Variants in NALF1 observed in about 807,000 individuals in gnomAD.
NALF1 encodes the protein NALCN channel auxiliary factor 1.
A neutral mutation model predicts 48.4 loss-of-function variants in NALF1; 3 were observed. The ratio of observed to expected loss-of-function variants is 0.06; its 90% CI spans 0.03 to 0.16. The LOEUF is 0.16. Among genes scored for constraint, NALF1 ranks in the 10% least tolerant of loss-of-function variants. The pLI is 1.00. For missense variants in NALF1, 526 were observed against 571.5 expected (o/e 0.92, Z 0.81); for synonymous variants, 262 against 245.7 (o/e 1.07, Z -0.62).
At chr13:107,503,981 C>T (rs1010488858) in intron 1 of NALF1, among the ~76,000 whole-genome samples, 3 of 150,884 alleles carry the variant, frequency 2.0e-5, no homozygotes, top group Admixed American at 6.6e-5. Context: ...AGGAAGAGCA[C>T]GGTGGCTCTT....
chr13:107,517,974 C>T (rs184285804), intron 1 of NALF1, among the ~76,000 whole-genome samples: 70 of 152,066 alleles, frequency 4.6e-4, no homozygotes, highest in African/African-American at 1.6e-3. Flanking sequence ...AAAAACTTAA[C>T]GTAAGCTCAA....
chr13:107,376,448 C>G (rs1883341842), intron 1 of NALF1, among the ~76,000 whole-genome samples: 1 of 152,174 alleles, frequency 6.6e-6, no homozygotes, highest in Admixed American at 6.5e-5. Flanking sequence ...CCTGGACTCC[C>G]ACCCTTGGAG....
intron 1 of NALF1, among the ~76,000 whole-genome samples, chr13:107,416,727 G>T (rs374140437): frequency 2.0e-5 from 3 of 152,138 alleles, no homozygotes; most frequent in Non-Finnish European, 2.9e-5. Flanking sequence ...TTCTGAGGGG[G>T]TCTATCCCCA....
At chr13:107,235,620 G>A (rs1221626545) in intron 1 of NALF1, among the ~76,000 whole-genome samples, 3 of 152,162 alleles carry the variant, frequency 2.0e-5, no homozygotes, top group African/African-American at 4.8e-5. Flanking sequence ...CAAGAGAAAA[G>A]TCCGTACATG....
At chr13:107,184,205 C>T (rs977811937) in intron 2 of NALF1, among the ~76,000 whole-genome samples, 4 of 151,740 alleles carry the variant, frequency 2.6e-5, no homozygotes, top group Non-Finnish European at 5.9e-5. Flanking sequence ...AGAAATCTGA[C>T]ATCCGTGTTT....
chr13:107,653,235 G>A (rs1389082983), intron 1 of NALF1, among the ~76,000 whole-genome samples: 3 of 150,024 alleles, frequency 2.0e-5, no homozygotes, highest in East Asian at 1.9e-4. Context: ...ATTAAGTTGT[G>A]TATTTTCATG....
intron 1 of NALF1, among the ~76,000 whole-genome samples, chr13:107,720,855 G>A (rs900907055): frequency 3.3e-5 from 5 of 152,126 alleles, no homozygotes; most frequent in Admixed American, 6.5e-5. Context: ...ATCTGTTTAC[G>A]CCAAAGGTTG....
At chr13:107,297,291 T>C (rs1481777365) in intron 1 of NALF1, among the ~76,000 whole-genome samples, 2 of 152,170 alleles carry the variant, frequency 1.3e-5, no homozygotes, top group Admixed American at 6.5e-5. Context: ...AAAATGAATG[T>C]TTGCTAGAAT....
intron 1 of NALF1, among the ~76,000 whole-genome samples, chr13:107,602,358 G>C (rs1387281192): frequency 1.3e-5 from 2 of 152,076 alleles, no homozygotes; most frequent in Non-Finnish European, 2.9e-5. Context: ...TATAATGTAA[G>C]GCACACTCGA....
intron 2 of NALF1, among the ~76,000 whole-genome samples, chr13:107,201,254 A>T (rs1879511863): frequency 6.6e-6 from 1 of 152,206 alleles, no homozygotes; most frequent in Non-Finnish European, 1.5e-5. Context: ...CACATATCAT[A>T]GGCCTTGGAA....
At chr13:107,665,660 T>C (rs1880838944) in intron 1 of NALF1, among the ~76,000 whole-genome samples, 2 of 152,168 alleles carry the variant, frequency 1.3e-5, no homozygotes, top group South Asian at 4.1e-4. Context: ...TCATATTTTA[T>C]CTCATCTTGA....
Position 107,491,999 on chromosome 13 carries a change from G to A in NALF1, c.916-281244C>T, listed in dbSNP as rs113083605. On this transcript the variant is annotated intron_variant, in intron 1 of 2. Transcript: ENST00000375915. Reference sequence around the variant, plus strand: ...TAAGGCACTCTGGTAGGCTCCAAATGTACACGTGTTTCATTTTTACAAGCC... The same window carrying A: ...TAAGGCACTCTGGTAGGCTCCAAATATACACGTGTTTCATTTTTACAAGCC... Among the ~76,000 whole-genome samples the A allele has an allele frequency of 7.7e-3, 1,075 of 139,656 alleles. 10 individuals are homozygous for A. Among genetic ancestry groups the A allele is most frequent in the Non-Finnish European group, 0.013 (820 of 64,862 alleles). 91.6% of individuals were successfully genotyped at this position (139,656 alleles called of 152,430 possible).
At chr13:107,519,537 C>T (rs1420431144) in intron 1 of NALF1, among the ~76,000 whole-genome samples, 1 of 152,082 alleles carries the variant, frequency 6.6e-6, no homozygotes, top group Non-Finnish European at 1.5e-5. Flanking sequence ...ATGGTTTATC[C>T]AGGGGTTTCC....
intron 1 of NALF1, among the ~76,000 whole-genome samples, chr13:107,817,826 C>T (rs1281722434): frequency 1.4e-5 from 2 of 142,332 alleles, no homozygotes; most frequent in African/African-American, 2.5e-5. Flanking sequence ...CCTCAGCACA[C>T]CATCCCTTGC....
At chr13:107,396,871 A>G (rs969138110) in intron 1 of NALF1, among the ~76,000 whole-genome samples, 16 of 152,336 alleles carry the variant, frequency 1.1e-4, no homozygotes, top group African/African-American at 3.1e-4. Context: ...AAAAGTATCA[A>G]TAATACTTGG....
chr13:107,398,585 TC>T (rs111541907), intron 1 of NALF1, among the ~76,000 whole-genome samples: 15 of 152,292 alleles, frequency 9.8e-5, no homozygotes, highest in African/African-American at 3.6e-4. Flanking sequence ...TTGATTTTTT[TC>T]ATGTGTGGTT....
intron 1 of NALF1, among the ~76,000 whole-genome samples, chr13:107,598,986 T>C (rs1001948732): frequency 6.6e-6 from 1 of 152,176 alleles, no homozygotes; most frequent in Admixed American, 6.5e-5. Context: ...TCAATAAACA[T>C]TTATCAAATT....
chr13:107,291,285 T>C (rs1881615262), intron 1 of NALF1, among the ~76,000 whole-genome samples: 1 of 152,082 alleles, frequency 6.6e-6, no homozygotes, highest in Admixed American at 6.5e-5. Flanking sequence ...TGTGTTTAGG[T>C]GCTAAGCATA....
At chr13:107,277,020 T>A (rs1169938986) in intron 1 of NALF1, among the ~76,000 whole-genome samples, 1 of 152,192 alleles carries the variant, frequency 6.6e-6, no homozygotes, top group African/African-American at 2.4e-5. Context: ...AAACGTTATG[T>A]AAGATACAGA....
Sources: allele counts gnomAD v4.1 joint callset (sites outside exome capture counted in the v4.1 genomes callset), GRCh38; gene constraint gnomAD v4.1.1; transcripts MANE v1.5; gene names NCBI Gene and HGNC (gene_info 2026-07-23, HGNC 2026-07-21).